Variants in FAM163A observed in about 807,000 individuals in gnomAD.
FAM163A encodes family with sequence similarity 163 member A.
Under a neutral mutation model 12.0 loss-of-function variants are expected in FAM163A, and 7 were observed. That is an observed-to-expected ratio of 0.58 (90% CI 0.33 to 1.10). The LOEUF is 1.10. Ranked by LOEUF, FAM163A falls within the 50% of genes least tolerant of loss-of-function variation. FAM163A has a pLI of 0.03. For synonymous variants in FAM163A, 101 were observed against 91.0 expected (o/e 1.11, Z -0.62); for missense variants, 202 against 218.6 (o/e 0.92, Z 0.48).
intron 1 of FAM163A, among the ~76,000 whole-genome samples, chr1:179,794,543 A>C (rs1230556337): frequency 1.3e-5 from 2 of 152,216 alleles, no homozygotes; most frequent in African/African-American, 2.4e-5. Context: ...AAATTCTGAC[A>C]ATAACATGAA....
intron 1 of FAM163A, among the ~76,000 whole-genome samples, chr1:179,781,990 G>A (rs147667704): frequency 0.012 from 1,753 of 149,604 alleles, 28 homozygotes; most frequent in African/African-American, 0.04. Context: ...TTGTTTTCCA[G>A]TTCCCTGTGA....
the FAM163A span, among the ~76,000 whole-genome samples, chr1:179,735,521 T>TTTTTTC: frequency 6.9e-6 from 1 of 145,520 alleles, no homozygotes; most frequent in Non-Finnish European, 1.5e-5. Context: ...TTTTTTTTTT[T>TTTTTTC]GAGACGGAGT....
At chr1:179,781,401 T>A (rs1025629747) in intron 1 of FAM163A, among the ~76,000 whole-genome samples, 2 of 152,096 alleles carry the variant, frequency 1.3e-5, no homozygotes, top group Admixed American at 1.3e-4. Flanking sequence ...CACATCTAGC[T>A]GCAGTATAGC....
At chr1:179,736,088 C>T in the FAM163A span, among the ~76,000 whole-genome samples, 12 of 151,984 alleles carry the variant, frequency 7.9e-5, no homozygotes, top group South Asian at 2.1e-4. Context: ...TAGAAGAAAA[C>T]GTAGGGAAAA....
At chr1:179,779,415 C>T (rs1689426796) in intron 1 of FAM163A, among the ~76,000 whole-genome samples, 1 of 152,114 alleles carries the variant, frequency 6.6e-6, no homozygotes, top group East Asian at 1.9e-4. Context: ...GCCTCCCTGG[C>T]CCCTGATACT....
chr1:179,764,086 C>T (rs192683797), intron 1 of FAM163A, among the ~76,000 whole-genome samples: 1 of 152,308 alleles, frequency 6.6e-6, no homozygotes, highest in Non-Finnish European at 1.5e-5. Context: ...AGAGCTGAAC[C>T]AATCAAGCAC....
intron 1 of FAM163A, among the ~76,000 whole-genome samples, chr1:179,804,410 G>T (rs1311744093): frequency 2.0e-5 from 3 of 152,186 alleles, no homozygotes; most frequent in Non-Finnish European, 4.4e-5. Context: ...CTTGCTGTGT[G>T]TGTTAAACAA....
intron 1 of FAM163A, among the ~76,000 whole-genome samples, chr1:179,756,912 A>AC (rs1686102184): frequency 6.6e-6 from 1 of 152,222 alleles, no homozygotes. Flanking sequence ...GTCACTGAAG[A>AC]CCTTTTTCAG....
At chr1:179,728,921 C>T in the FAM163A span, among the ~76,000 whole-genome samples, 1 of 152,142 alleles carries the variant, frequency 6.6e-6, no homozygotes, top group African/African-American at 2.4e-5. Flanking sequence ...ATATGTGCAG[C>T]ATATAAGCCC....
chr1:179,730,901 A>C, the FAM163A span, among the ~76,000 whole-genome samples: 1 of 152,366 alleles, frequency 6.6e-6, no homozygotes, highest in Admixed American at 6.5e-5. Context: ...TGCCAATTCT[A>C]TCTGGTGCCC....
intron 1 of FAM163A, among the ~76,000 whole-genome samples, chr1:179,746,946 G>C (rs1181509675): frequency 1.3e-5 from 2 of 152,132 alleles, no homozygotes; most frequent in Non-Finnish European, 2.9e-5. Flanking sequence ...GGCAAGTTAT[G>C]ATCATCCAGC....
At chr1:179,788,435 A>T (rs10913889) in intron 1 of FAM163A, among the ~76,000 whole-genome samples, 38,065 of 152,190 alleles carry the variant, frequency 0.25, 5,008 homozygotes, top group Non-Finnish European at 0.27. Context: ...TGCTCTGAAC[A>T]GGACCTGCTC....
intron 1 of FAM163A, among the ~76,000 whole-genome samples, chr1:179,805,505 C>T (rs973716076): frequency 6.6e-6 from 1 of 151,476 alleles, no homozygotes; most frequent in Non-Finnish European, 1.5e-5. Context: ...CACTTCACTC[C>T]AGCCTGCGCA....
At chr1:179,775,032 G>A (rs1212493769) in intron 1 of FAM163A, among the ~76,000 whole-genome samples, 1 of 152,198 alleles carries the variant, frequency 6.6e-6, no homozygotes, top group African/African-American at 2.4e-5. Flanking sequence ...ACGATTTATT[G>A]AAAATGAAAG....
At chr1:179,764,352 A>C (rs61828395) in intron 1 of FAM163A, among the ~76,000 whole-genome samples, 3 of 152,250 alleles carry the variant, frequency 2.0e-5, no homozygotes, top group Non-Finnish European at 2.9e-5. Context: ...ATTTTGAGGA[A>C]CAGAGAAACT....
chr1:179,774,149 C>G (rs1271033944), intron 1 of FAM163A, among the ~76,000 whole-genome samples: 1 of 152,234 alleles, frequency 6.6e-6, no homozygotes, highest in Non-Finnish European at 1.5e-5. Context: ...CACTGTGCCC[C>G]CATGGGAAGG....
chr1:179,762,768 A>G (rs1686980047), intron 1 of FAM163A, among the ~76,000 whole-genome samples: 1 of 152,338 alleles, frequency 6.6e-6, no homozygotes, highest in East Asian at 1.9e-4. Flanking sequence ...CCAGCTCTGC[A>G]TTAGCCAGCA....
At chr1:179,759,969 A>AT (rs1686588847) in intron 1 of FAM163A, among the ~76,000 whole-genome samples, 3 of 152,008 alleles carry the variant, frequency 2.0e-5, no homozygotes, top group Admixed American at 1.3e-4. Context: ...GCCCCGCCTG[A>AT]TTTTTTAGGT....
chr1:179,790,773 G>A (rs1691359809), intron 1 of FAM163A, among the ~76,000 whole-genome samples: 2 of 127,802 alleles, frequency 1.6e-5, no homozygotes, highest in Admixed American at 1.5e-4. Flanking sequence ...GGCAGCTCCA[G>A]CTCAGACTGG....
Sources: allele counts gnomAD v4.1 joint callset (sites outside exome capture counted in the v4.1 genomes callset), GRCh38; gene constraint gnomAD v4.1.1; transcripts MANE v1.5; gene names NCBI Gene and HGNC (gene_info 2026-07-23, HGNC 2026-07-21).